Variants in GRID2 observed in about 807,000 individuals in gnomAD.
GRID2 encodes the protein glutamate ionotropic receptor delta type subunit 2, also known as glutamate receptor ionotropic, delta-2.
Under a neutral mutation model 114.8 loss-of-function variants are expected in GRID2, and 33 were observed. The ratio of observed to expected loss-of-function variants is 0.29; its 90% CI spans 0.22 to 0.38. The LOEUF (loss-of-function observed/expected upper bound fraction) is 0.38. GRID2 is among the 10% of genes least tolerant of loss of function. The pLI is 1.00. For synonymous variants in GRID2, 505 were observed against 449.9 expected, an observed-to-expected ratio of 1.12 and a Z score of -1.55; for missense variants, 1,184 against 1,257.7, an observed-to-expected ratio of 0.94 and a Z score of 0.89.
chr4:93,686,640 G>T (rs973150035), intron 14 of GRID2, among the ~76,000 whole-genome samples: 1 of 151,978 alleles, frequency 6.6e-6, no homozygotes, highest in African/African-American at 2.4e-5. Flanking sequence ...GGACAGTTAG[G>T]ACAGATCTTT....
chr4:92,988,488 A>G (rs1754645655), intron 2 of GRID2, among the ~76,000 whole-genome samples: 1 of 152,138 alleles, frequency 6.6e-6, no homozygotes, highest in South Asian at 2.1e-4. Flanking sequence ...GGCATCCCTT[A>G]TTTCTGCTAT....
chr4:93,626,707 G>T (rs774489508), intron 14 of GRID2, among the ~76,000 whole-genome samples: 15 of 152,178 alleles, frequency 9.9e-5, no homozygotes, highest in Non-Finnish European at 2.2e-4. Context: ...AAGAAAGTAG[G>T]TGTGTTAGTA....
chr4:93,380,087 A>G (rs944299008), intron 8 of GRID2, among the ~76,000 whole-genome samples: 1 of 152,164 alleles, frequency 6.6e-6, no homozygotes, highest in Non-Finnish European at 1.5e-5. Context: ...ATGTGATCAA[A>G]TAGGGAAAAG....
chr4:93,534,750 C>T (rs777161829), intron 13 of GRID2, among the ~76,000 whole-genome samples: 1 of 151,710 alleles, frequency 6.6e-6, no homozygotes, highest in Non-Finnish European at 1.5e-5. Flanking sequence ...ATTAACAATT[C>T]TTAAGTTTTA....
chr4:93,183,314 G>A (rs758871806), intron 4 of GRID2, among the ~76,000 whole-genome samples: 3 of 152,068 alleles, frequency 2.0e-5, no homozygotes, highest in Non-Finnish European at 4.4e-5. Flanking sequence ...TTATTAAATT[G>A]AAGATAATAC....
intron 2 of GRID2, among the ~76,000 whole-genome samples, chr4:92,900,026 G>A (rs1578418463): frequency 6.6e-6 from 1 of 152,078 alleles, no homozygotes; most frequent in Non-Finnish European, 1.5e-5. Context: ...AAATGTGCCT[G>A]ATGACTTTCA....
chr4:92,608,031 C>T (rs1729543295), intron 2 of GRID2, among the ~76,000 whole-genome samples: 1 of 151,818 alleles, frequency 6.6e-6, no homozygotes, highest in African/African-American at 2.4e-5. Context: ...GTAAGCTCTG[C>T]TTTCCTTTCT....
At chr4:93,395,167 A>G (rs1210853014) in intron 8 of GRID2, among the ~76,000 whole-genome samples, 2 of 152,022 alleles carry the variant, frequency 1.3e-5, no homozygotes, top group Non-Finnish European at 2.9e-5. Context: ...CCTTCTAACC[A>G]TATTAAAAAT....
chr4:93,061,091 A>G (rs979523780), intron 2 of GRID2, among the ~76,000 whole-genome samples: 21 of 150,408 alleles, frequency 1.4e-4, no homozygotes, highest in African/African-American at 4.9e-4. Flanking sequence ...CAACAGAGCA[A>G]GACTCCATCT....
At chr4:92,940,687 T>A (rs929780701) in intron 2 of GRID2, among the ~76,000 whole-genome samples, 1 of 152,136 alleles carries the variant, frequency 6.6e-6, no homozygotes, top group African/African-American at 2.4e-5. Flanking sequence ...CCATTCAGTA[T>A]GATATTGGCT....
intron 2 of GRID2, among the ~76,000 whole-genome samples, chr4:92,758,836 T>C (rs1737851077): frequency 6.6e-6 from 1 of 152,116 alleles, no homozygotes; most frequent in Non-Finnish European, 1.5e-5. Context: ...TCTATATAGA[T>C]GTAAAGATTG....
intron 1 of GRID2, among the ~76,000 whole-genome samples, chr4:92,485,615 G>C (rs1722847629): frequency 6.6e-6 from 1 of 151,648 alleles, no homozygotes; most frequent in Non-Finnish European, 1.5e-5. Context: ...GCTTGAACCT[G>C]TGAGGCGGAG....
intron 4 of GRID2, among the ~76,000 whole-genome samples, chr4:93,115,765 T>C (rs1733185416): frequency 6.6e-6 from 1 of 152,060 alleles, no homozygotes; most frequent in African/African-American, 2.4e-5. Context: ...GGGAAACCCC[T>C]TATAAAACCA....
intron 4 of GRID2, among the ~76,000 whole-genome samples, chr4:93,164,352 A>G (rs1738051862): frequency 1.3e-5 from 2 of 152,108 alleles, no homozygotes; most frequent in Admixed American, 1.3e-4. Context: ...GAGTAAGGAT[A>G]GCAGCACTGA....
chr4:93,058,746 A>C (rs1727500538), intron 2 of GRID2, among the ~76,000 whole-genome samples: 1 of 151,964 alleles, frequency 6.6e-6, no homozygotes, highest in Admixed American at 6.6e-5. Context: ...AATGTTTAAA[A>C]ATATTTTTAA....
chr4:93,106,710 A>G (rs1480319824), intron 3 of GRID2, among the ~76,000 whole-genome samples: 1 of 152,024 alleles, frequency 6.6e-6, no homozygotes, highest in African/African-American at 2.4e-5. Context: ...CAGTTGCCAC[A>G]TATCATGGGT....
chr4:92,895,767 C>T (rs1239624543), intron 2 of GRID2, among the ~76,000 whole-genome samples: 1 of 152,022 alleles, frequency 6.6e-6, no homozygotes, highest in East Asian at 1.9e-4. Flanking sequence ...AAGTCAGTAC[C>T]ATTATGAACT....
chr4:93,323,620 G>A (rs1379145745), intron 8 of GRID2, among the ~76,000 whole-genome samples: 1 of 151,930 alleles, frequency 6.6e-6, no homozygotes, highest in Non-Finnish European at 1.5e-5. Flanking sequence ...GGCATTTAAT[G>A]TATAAATTTC....
chr4:92,530,376 A>G (rs1579525417), intron 1 of GRID2, among the ~76,000 whole-genome samples: 1 of 152,098 alleles, frequency 6.6e-6, no homozygotes, highest in East Asian at 1.9e-4. Context: ...ACAGTGCCTC[A>G]TACGAACTAT....
Sources: allele counts gnomAD v4.1 joint callset (sites outside exome capture counted in the v4.1 genomes callset), GRCh38; gene constraint gnomAD v4.1.1; transcripts MANE v1.5; gene names NCBI Gene and HGNC (gene_info 2026-07-23, HGNC 2026-07-21).